TTC21A: variants seen among roughly 807,000 people sequenced by gnomAD.
TTC21A encodes the protein tetratricopeptide repeat protein 21A.
A neutral mutation model predicts 156.4 loss-of-function variants in TTC21A; 128 were observed. The observed-to-expected ratio is 0.82, with a 90% CI of 0.71 to 0.95. The LOEUF is 0.95. Ranked by LOEUF, TTC21A falls within the 40% of genes least tolerant of loss-of-function variation. The pLI is 0.00. For missense variants in TTC21A, 1,435 were observed against 1,602.3 expected (o/e 0.90, Z 1.78); for synonymous variants, 587 against 617.1 (o/e 0.95, Z 0.72).
chr3:39,137,230 T>C lies in TTC21A; in HGVS notation c.3293T>C (p.Val1098Ala), dbSNP rs1172987844. Residue 1098 changes from valine (V) to alanine (A), a missense_variant, in exon 25 of 29, where the codon GTG (valine) becomes GCG (alanine). Val to Ala is a moderately conservative substitution (Grantham distance 64). Transcript: ENST00000683103. ...MEKKELEQQG[V>A]STAEKLLREF... Reference sequence around the variant, plus strand: ...AAGAAGGAGTTGGAGCAGCAGGGTGTGAGCACCGCCGAGAAACTGCTGCGT... The same window carrying C: ...AAGAAGGAGTTGGAGCAGCAGGGTGCGAGCACCGCCGAGAAACTGCTGCGT... The C allele has an allele frequency of 6.2e-7, 1 of 1,614,012 alleles. No homozygotes were observed. Among genetic ancestry groups the C allele is most frequent in the Admixed American group, 1.7e-5 (1 of 60,010 alleles).
chr3:39,135,851 C>T (rs756573885), intron 22 of TTC21A, among the ~76,000 whole-genome samples: 5 of 152,114 alleles, frequency 3.3e-5, no homozygotes, highest in Admixed American at 1.3e-4. Context: ...GTCAGGGGAT[C>T]GAAACCATCC....
chr3:39,129,381 G>A lies in TTC21A; in HGVS notation c.2135+71G>A, dbSNP rs1225737055. On this transcript the variant is annotated intron_variant, in intron 15 of 28. Transcript: ENST00000683103. Reference sequence around the variant, plus strand: ...TCTTAGGGAGTGTTTCCTTCAGATGGTATTTCTTCAACCTGGGTCTCCAGA... The same window carrying A: ...TCTTAGGGAGTGTTTCCTTCAGATGATATTTCTTCAACCTGGGTCTCCAGA... 3 of 1,189,486 alleles carry A rather than the reference G, an allele frequency of 2.5e-6. No homozygotes were observed. In the African/African-American group the frequency reaches 4.5e-5, roughly 18 times the overall value. The allele number at this position is 1,189,486 out of a possible 1,614,324, so 73.7% of individuals were successfully genotyped here. A position where few individuals can be genotyped will look rare whatever the true frequency, so the allele number is the denominator to read the frequency against.
intron 6 of TTC21A, among the ~76,000 whole-genome samples, chr3:39,115,117 T>A (rs558752408): frequency 7.2e-5 from 11 of 152,322 alleles, no homozygotes; most frequent in African/African-American, 2.2e-4. Flanking sequence ...AAGGTTTTTT[T>A]AAAACTATTA....
intron 21 of TTC21A, 75 bp from the exon 22 acceptor site, chr3:39,135,018 T>G: frequency 8.0e-6 from 7 of 876,996 alleles, no homozygotes; most frequent in Non-Finnish European, 1.1e-5. Flanking sequence ...ATCACCCCCA[T>G]ACCCCCCGCC....
chr3:39,110,393 A>G lies in TTC21A; in HGVS notation c.268+254A>G, dbSNP rs867680910. 11 of 576,960 alleles carry G rather than the reference A, an allele frequency of 1.9e-5. No individual in the cohort carries two copies. The Middle Eastern group carries it at 1.8e-3, about 97-fold the overall frequency. The allele number at this position is 576,960 out of a possible 1,614,324, so 35.7% of individuals were successfully genotyped here. On this transcript the variant is annotated intron_variant, in intron 3 of 28. Transcript: ENST00000683103. Reference sequence around the variant, plus strand: ...GGAGGGGCCCATGCTCCAGATCCCAAGAGTTGGGGAAACACCCTTCTTCTT... The same window carrying G: ...GGAGGGGCCCATGCTCCAGATCCCAGGAGTTGGGGAAACACCCTTCTTCTT...
chr3:39,136,069 A>T, intron 22 of TTC21A: 1 of 195,916 alleles, frequency 5.1e-6, no homozygotes, highest in Non-Finnish European at 1.0e-5. Context: ...AAAAAAAAAA[A>T]AAAGATTAGG....
chr3:39,121,380 G>A (rs1182888361), intron 9 of TTC21A, among the ~76,000 whole-genome samples, 191 bp downstream of exon 9: 1 of 152,186 alleles, frequency 6.6e-6, no homozygotes, highest in African/African-American at 2.4e-5. Context: ...AATGCTCAGA[G>A]GTATGATCAG....
rs1434942894 is a variant in TTC21A at position 39,107,737 on chromosome 3, C to T, written c.-101C>T. 3 of 1,560,976 alleles carry T rather than the reference C, an allele frequency of 1.9e-6. No homozygotes were observed. The highest frequency in any genetic ancestry group is 1.7e-5 in the Admixed American group (1 of 59,734). ...GCTCGGTTTCCAAGGACTGTAACGC[C>T]TTCAACCGCCCGCCGCGATAGAGTG... On this transcript the variant is annotated 5_prime_UTR_variant, in exon 1 of 29. Transcript: ENST00000683103.
rs1050712089 is a variant in TTC21A at position 39,134,512 on chromosome 3, G to A, written c.2862+184G>A. ...TCTGCCCTTTAGCCGGAAGCGGTAG[G>A]CTGGCTGGCAGTGGGCAGCATCAAT... On this transcript the variant is annotated intron_variant, in intron 21 of 28. Coordinates refer to ENST00000683103, the MANE Select transcript of TTC21A (RefSeq NM_001366900.1). This position sits in a 1 kb window ranked among gnomAD's most constrained non-coding sequence, Gnocchi z 4.6. The A allele has an allele frequency of 2.8e-5, 19 of 668,750 alleles. No individual in the cohort carries two copies. Among genetic ancestry groups the A allele is most frequent in the South Asian group, 4.8e-5 (3 of 62,696 alleles). The allele number at this position is 668,750 out of a possible 1,614,324, so 41.4% of individuals were successfully genotyped here.
chr3:39,126,636 CACACACACACACACGTATGCACACACGT>C (rs1412516811), intron 12 of TTC21A, among the ~76,000 whole-genome samples: 6 of 151,508 alleles, frequency 4.0e-5, no homozygotes, highest in Admixed American at 1.3e-4. Flanking sequence ...TACACACACA[CACACACACACACACGTATGCACACACGT>C]GCACACACAC....
chr3:39,131,903 G>A (rs1185518965), intron 19 of TTC21A, among the ~76,000 whole-genome samples: 2 of 152,260 alleles, frequency 1.3e-5, no homozygotes, highest in East Asian at 3.9e-4. Flanking sequence ...CTGCCACATT[G>A]GGGATTAAGT....
In TTC21A at chr3:39,125,435, T is replaced by G. The variant is rs1236482730; in HGVS notation, c.1295T>G (p.Met432Arg). 1 of 1,614,014 alleles carries G rather than the reference T, an allele frequency of 6.2e-7. No homozygotes were observed. The highest frequency in any genetic ancestry group is 8.5e-7 in the Non-Finnish European group (1 of 1,179,960). ...KEAVELHFSS[M>R]QGIPLGSEYF... is the part of the protein sequence containing the mutation. ...GCAGTGGAGCTTCACTTCTCCAGCA[T>G]GCAAGGCATCCCTCTTGGCTCTGAG... The change falls in exon 11 of 29, where the codon ATG (methionine) becomes AGG (arginine). Residue 432 changes from methionine to arginine, a missense_variant. Met to Arg is a moderately conservative substitution (Grantham distance 91). Transcript: ENST00000683103.
intron 2 of TTC21A, 81 bp from the exon 3 acceptor site, chr3:39,109,948 T>G: frequency 4.1e-6 from 4 of 980,432 alleles, no homozygotes; most frequent in Non-Finnish European, 6.3e-6. Context: ...GTAGTAGTGC[T>G]GAGCTGTTGG....
chr3:39,133,313 T>A, intron 20 of TTC21A, 73 bp downstream of exon 20: 1 of 1,449,918 alleles, frequency 6.9e-7, no homozygotes, highest in Non-Finnish European at 9.4e-7. Context: ...ACTGACCAGG[T>A]ACAGGGGCCA....
At chr3:39,135,387 G>A (rs574205253) in intron 22 of TTC21A, among the ~76,000 whole-genome samples, 1 of 152,334 alleles carries the variant, frequency 6.6e-6, no homozygotes, top group East Asian at 1.9e-4. Context: ...TCAAGGACTT[G>A]GCACTGGACC....
At chr3:39,120,846 C>A in intron 8 of TTC21A, 151 bp from the exon 9 acceptor site, 1 of 633,054 alleles carries the variant, frequency 1.6e-6, no homozygotes. Flanking sequence ...CAGACAGCAA[C>A]ACAGACCCAG....
At chr3:39,111,139 C>A in intron 4 of TTC21A, 122 bp downstream of exon 4, 4 of 1,091,872 alleles carry the variant, frequency 3.7e-6, no homozygotes, top group South Asian at 1.7e-5. Flanking sequence ...CAGGCACTGG[C>A]AAAACACCGG....
chr3:39,111,127 C>T, intron 4 of TTC21A, 110 bp downstream of exon 4: 1 of 1,245,306 alleles, frequency 8.0e-7, no homozygotes, highest in Non-Finnish European at 1.1e-6. Flanking sequence ...GAGAGCCACA[C>T]CCAGGCACTG....
At chr3:39,118,239 C>CT (rs2037457212) in intron 7 of TTC21A, 86 bp downstream of exon 7, 1 of 1,326,126 alleles carries the variant, frequency 7.5e-7, no homozygotes, top group African/African-American at 1.4e-5. Context: ...ACCCAAAGCC[C>CT]TTGTAGGGAG....
Sources: allele counts gnomAD v4.1 joint callset (sites outside exome capture counted in the v4.1 genomes callset), GRCh38; gene constraint gnomAD v4.1.1; non-coding constraint Gnocchi (gnomAD v3.1); transcripts MANE v1.5; gene names NCBI Gene and HGNC (gene_info 2026-07-23, HGNC 2026-07-21).